Variants in CSMD2 observed in about 807,000 individuals in gnomAD.
CSMD2 encodes the protein CUB and sushi domain-containing protein 2.
Under a neutral mutation model 398.5 loss-of-function variants are expected in CSMD2, and 130 were observed. That is an observed-to-expected ratio of 0.33 (90% CI 0.28 to 0.38). The LOEUF is 0.38. CSMD2 is among the 10% of genes least tolerant of loss of function. CSMD2 has a pLI of 1.00. For missense variants in CSMD2, 3,829 were observed against 4,764.9 expected, an observed-to-expected ratio of 0.80 and a Z score of 5.78; for synonymous variants, 1,828 against 1,908.5, an observed-to-expected ratio of 0.96 and a Z score of 1.10.
At chr1:33,565,172 C>T (rs1658939386) in intron 53 of CSMD2, among the ~76,000 whole-genome samples, 1 of 152,166 alleles carries the variant, frequency 6.6e-6, no homozygotes, top group Non-Finnish European at 1.5e-5. Flanking sequence ...AAGGGCTTAA[C>T]ACTGATCTAA....
At chr1:33,660,991 G>A (rs1055400087) in intron 26 of CSMD2, among the ~76,000 whole-genome samples, 9 of 152,164 alleles carry the variant, frequency 5.9e-5, no homozygotes, top group Non-Finnish European at 1.3e-4. Context: ...TACTCTGAAT[G>A]GGGAGATTAG....
At chr1:33,884,519 T>TA (rs1383766841) in intron 5 of CSMD2, 2 of 152,228 alleles carry the variant, frequency 1.3e-5, no homozygotes, top group Non-Finnish European at 2.9e-5. Context: ...TTAAGTCTGT[T>TA]AAACCTCTCC....
chr1:34,122,609 C>T (rs959030492), intron 1 of CSMD2, among the ~76,000 whole-genome samples: 1 of 152,180 alleles, frequency 6.6e-6, no homozygotes, highest in Admixed American at 6.5e-5. Flanking sequence ...TACCTATTTC[C>T]TCTCTGGTGT....
At chr1:33,829,106 G>GAAA (rs1659164259) in intron 6 of CSMD2, among the ~76,000 whole-genome samples, 1 of 152,046 alleles carries the variant, frequency 6.6e-6, no homozygotes, top group African/African-American at 2.4e-5. Flanking sequence ...GAATCCACAG[G>GAAA]TAGAGTCTTT....
At chr1:34,037,364 A>G (rs1366825883) in intron 2 of CSMD2, among the ~76,000 whole-genome samples, 1 of 152,194 alleles carries the variant, frequency 6.6e-6, no homozygotes, top group African/African-American at 2.4e-5. Flanking sequence ...CTCAGGCCAC[A>G]GGGCCCCCGT....
chr1:34,132,262 C>T (rs1289796986), intron 1 of CSMD2, among the ~76,000 whole-genome samples: 1 of 152,098 alleles, frequency 6.6e-6, no homozygotes, highest in East Asian at 1.9e-4. Context: ...GACCCTTAGT[C>T]AGCTTTCCCT....
At chr1:33,563,749 G>A (rs923881) in intron 53 of CSMD2, among the ~76,000 whole-genome samples, 17,157 of 152,034 alleles carry the variant, frequency 0.11, 1,243 homozygotes, top group East Asian at 0.24. Flanking sequence ...AGGTAGGGGC[G>A]ATGGAATATA....
intron 51 of CSMD2, among the ~76,000 whole-genome samples, chr1:33,571,216 C>A (rs60186947): frequency 0.11 from 17,164 of 152,170 alleles, 1,242 homozygotes; most frequent in East Asian, 0.24. Context: ...GAACCAAAAT[C>A]TTTTATCTTC....
intron 33 of CSMD2, among the ~76,000 whole-genome samples, chr1:33,626,080 T>C (rs777397783): frequency 6.6e-6 from 1 of 152,152 alleles, no homozygotes; most frequent in Non-Finnish European, 1.5e-5. Context: ...GGGATTCAAA[T>C]CGATGTCCAC....
chr1:33,703,860 G>GT (rs1645690158), intron 22 of CSMD2, among the ~76,000 whole-genome samples: 1 of 152,134 alleles, frequency 6.6e-6, no homozygotes, highest in Admixed American at 6.5e-5. Flanking sequence ...GCATTATGAT[G>GT]TTTTCCAATT....
Position 33,588,434 on chromosome 1 carries a change from T to C in CSMD2, c.6857-1266A>G, listed in dbSNP as rs151139564. ...GGAAGATTCAAGTACATGACCCTTT[T>C]GAAAGTACAGATATCTCCTGCTGAA... On this transcript the variant is annotated intron_variant, in intron 44 of 70. Coordinates refer to ENST00000373381, the MANE Select transcript of CSMD2 (RefSeq NM_001281956.2). 5.8e-3 allele frequency among the ~76,000 whole-genome samples: 887 copies of C among 152,314 alleles called. 10 individuals carry two copies. The highest frequency in any genetic ancestry group is 0.02 in the African/African-American group (839 of 41,566).
At chr1:33,608,756 G>A (rs1228468083) in intron 41 of CSMD2, among the ~76,000 whole-genome samples, 1 of 152,086 alleles carries the variant, frequency 6.6e-6, no homozygotes, top group Non-Finnish European at 1.5e-5. Context: ...GGAGGGGCCC[G>A]GACAGAGTCT....
At chr1:33,788,882 C>A (rs1653881991) in intron 11 of CSMD2, among the ~76,000 whole-genome samples, 170 bp from the exon 12 acceptor site, 1 of 152,212 alleles carries the variant, frequency 6.6e-6, no homozygotes, top group Admixed American at 6.5e-5. Context: ...TCTCCCTGTG[C>A]TGGGAAGACT....
At chr1:33,594,538 T>C (rs890446724) in intron 44 of CSMD2, among the ~76,000 whole-genome samples, 1 of 152,242 alleles carries the variant, frequency 6.6e-6, no homozygotes, top group Admixed American at 6.5e-5. Flanking sequence ...CTCCTTTATA[T>C]ACACAGGTTT....
rs113065527 is a variant in CSMD2 at position 33,880,807 on chromosome 1, C to T, written c.921-33811G>A. Reference sequence around the variant, plus strand: ...ATCCTCTTAAGACCTACCAAGGGGACAACTTCTTCAATTTGGTTCAAATTA... The same window carrying T: ...ATCCTCTTAAGACCTACCAAGGGGATAACTTCTTCAATTTGGTTCAAATTA... On this transcript the variant is annotated intron_variant, in intron 5 of 70. Transcript: ENST00000373381. 5.5e-3 allele frequency among the ~76,000 whole-genome samples: 831 copies of T among 152,286 alleles called. 8 individuals are homozygous for T. Among genetic ancestry groups the T allele is most frequent in the African/African-American group, 0.019 (784 of 41,554 alleles).
chr1:33,616,551 C>A (rs1570956147), intron 39 of CSMD2, among the ~76,000 whole-genome samples: 1 of 152,144 alleles, frequency 6.6e-6, no homozygotes, highest in Non-Finnish European at 1.5e-5. Context: ...CTCATCATTT[C>A]TTTATTAGAT....
At position 33,764,484 on chromosome 1, in the gene CSMD2, A is replaced by G. The variant is rs1370844085; in HGVS notation, c.1846+8085T>C. Among the ~76,000 whole-genome samples, 3 of 152,174 alleles carry G rather than the reference A, an allele frequency of 2.0e-5. No individual in the cohort carries two copies. The East Asian group carries it at 5.8e-4, about 29-fold the overall frequency. On this transcript the variant is annotated intron_variant, in intron 13 of 70. Transcript: ENST00000373381. ...TGCCTGCCACTAGCAAAGGGAAACC[A>G]CAGGTCTTCAGTGTTCAGGTTCTTG...
chr1:34,079,426 A>T (rs1656800659), intron 2 of CSMD2, among the ~76,000 whole-genome samples: 2 of 152,260 alleles, frequency 1.3e-5, no homozygotes, highest in Non-Finnish European at 2.9e-5. Flanking sequence ...AACAATGGCT[A>T]GTCCAAAAAC....
intron 66 of CSMD2, 144 bp from the exon 67 acceptor site, chr1:33,523,563 T>C (rs1654500985): frequency 1.7e-6 from 1 of 599,768 alleles, no homozygotes; most frequent in South Asian, 2.1e-5. Flanking sequence ...CTTTAAGTCG[T>C]AAGTGTAGTG....
Sources: gnomAD v4.1 joint callset for allele counts (sites outside exome capture counted in the v4.1 genomes callset) on GRCh38, gnomAD v4.1.1 for gene constraint, MANE v1.5 for transcripts, NCBI Gene and HGNC (gene_info 2026-07-23, HGNC 2026-07-21) for gene names.